The following ST3GAL3 variants were observed in gnomAD, a reference collection of about 807,000 sequenced individuals.
The protein encoded by ST3GAL3 is CMP-N-acetylneuraminate-beta-1,4-galactoside alpha-2,3-sialyltransferase.
A neutral mutation model predicts 50.1 loss-of-function variants in ST3GAL3; 21 were observed. That is an observed-to-expected ratio of 0.42 (90% CI 0.30 to 0.60). The LOEUF is 0.60. Among genes scored for constraint, ST3GAL3 ranks in the 20% least tolerant of loss-of-function variants. The pLI, the probability that ST3GAL3 is intolerant of heterozygous loss-of-function variation, is 0.19. For synonymous variants in ST3GAL3, 183 were observed against 190.0 expected (o/e 0.96, Z 0.30); for missense variants, 353 against 489.4 (o/e 0.72, Z 2.63).
At chr1:43,813,648 T>G (rs1236320757) in intron 3 of ST3GAL3, among the ~76,000 whole-genome samples, 1 of 152,182 alleles carries the variant, frequency 6.6e-6, no homozygotes, top group South Asian at 2.1e-4. Flanking sequence ...CTGGCCTTAA[T>G]TGGCCTTGCA....
At chr1:43,834,566 C>T (rs2064006458) in intron 4 of ST3GAL3, among the ~76,000 whole-genome samples, 1 of 152,186 alleles carries the variant, frequency 6.6e-6, no homozygotes, top group Non-Finnish European at 1.5e-5. Flanking sequence ...TCCTAAGACA[C>T]TTCGTTGACC....
Position 43,838,204 on chromosome 1 carries a change from C to T in ST3GAL3, c.210-15C>T. 1 of 1,602,358 alleles carries T rather than the reference C, an allele frequency of 6.2e-7. No homozygotes were observed. The highest frequency in any genetic ancestry group is 8.5e-7 in the Non-Finnish European group (1 of 1,172,626). On this transcript the variant is annotated splice_polypyrimidine_tract_variant and intron_variant, in intron 4 of 11. Coordinates refer to ENST00000347631, the MANE Select transcript of ST3GAL3 (RefSeq NM_006279.5). ...CAGTGCCTGGCAAGCTGTAACTTTC[C>T]TTCTCTTCCCATAGGCCTGCTGAAT...
At chr1:43,917,457 AAT>A (rs1285649776) in intron 9 of ST3GAL3, among the ~76,000 whole-genome samples, 10 of 23,474 alleles carry the variant, frequency 4.3e-4, no homozygotes, top group East Asian at 1.3e-3. Context: ...TATAATATAT[AAT>A]ATATATAATA....
At chr1:43,795,447 C>G (rs1037424033) in intron 3 of ST3GAL3, among the ~76,000 whole-genome samples, 2 of 152,206 alleles carry the variant, frequency 1.3e-5, no homozygotes, top group Non-Finnish European at 2.9e-5. Flanking sequence ...TATTCATGCT[C>G]TCATGGAATA....
chr1:43,833,366 A>G (rs974371816), intron 4 of ST3GAL3, among the ~76,000 whole-genome samples: 1 of 152,192 alleles, frequency 6.6e-6, no homozygotes, highest in Non-Finnish European at 1.5e-5. Context: ...TAAATGGACA[A>G]TTACTCTTCA....
In ST3GAL3 at chr1:43,930,244, G is replaced by GA. The variant is rs1377239865; in HGVS notation, c.*24dup. The GA allele has an allele frequency of 6.8e-6, 11 of 1,608,614 alleles. No homozygotes were observed. In the African/African-American group the frequency reaches 1.5e-4, roughly 21 times the overall value. On this transcript the variant is annotated 3_prime_UTR_variant, in exon 12 of 12. Transcript: ENST00000347631. The stretch of plus-strand genomic sequence containing the variant: ...TGAGTGGGCCCAGCACATGGCCATA[G>GA]AGGCCCAGGCACCACCAGGAGCAGC...
At chr1:43,766,645 C>T (rs1302040598) in intron 2 of ST3GAL3, among the ~76,000 whole-genome samples, 1 of 151,962 alleles carries the variant, frequency 6.6e-6, no homozygotes, top group African/African-American at 2.4e-5. Context: ...AGGGCAGAGT[C>T]GATGACAGAA....
chr1:43,792,261 T>A, intron 3 of ST3GAL3, 112 bp downstream of exon 3: 1 of 1,371,600 alleles, frequency 7.3e-7, no homozygotes, highest in Non-Finnish European at 1.0e-6. Flanking sequence ...TATCCCAGAA[T>A]TGGGGGAAGT....
intron 1 of ST3GAL3, among the ~76,000 whole-genome samples, chr1:43,712,235 C>A (rs72884946): frequency 0.043 from 6,577 of 152,278 alleles, 455 homozygotes; most frequent in African/African-American, 0.15. Context: ...TTCTAACCAG[C>A]TGCAGCAAGG....
intron 2 of ST3GAL3, among the ~76,000 whole-genome samples, chr1:43,766,479 C>T (rs1693022834): frequency 6.6e-6 from 1 of 152,152 alleles, no homozygotes. Context: ...GGCACTGAAG[C>T]AGGGACCTGG....
At chr1:43,789,573 A>G (rs557083267) in intron 2 of ST3GAL3, among the ~76,000 whole-genome samples, 2 of 152,308 alleles carry the variant, frequency 1.3e-5, no homozygotes, top group South Asian at 2.1e-4. Context: ...AGAAATGCTG[A>G]TAAAGAAGTA....
At chr1:43,886,838 T>C in intron 5 of ST3GAL3, among the ~76,000 whole-genome samples, 1 of 152,130 alleles carries the variant, frequency 6.6e-6, no homozygotes, top group East Asian at 1.9e-4. Context: ...GGACGCTTTG[T>C]CGAATTTGTT....
intron 2 of ST3GAL3, among the ~76,000 whole-genome samples, chr1:43,779,188 C>T (rs915146439): frequency 2.6e-5 from 4 of 151,892 alleles, no homozygotes; most frequent in Non-Finnish European, 5.9e-5. Context: ...GTGATCCACC[C>T]GCCTCAGCCT....
At chr1:43,849,562 C>T (rs2066900057) in intron 5 of ST3GAL3, among the ~76,000 whole-genome samples, 1 of 152,102 alleles carries the variant, frequency 6.6e-6, no homozygotes, top group Non-Finnish European at 1.5e-5. Flanking sequence ...TGCACTTCAG[C>T]TATGTGAAAA....
intron 4 of ST3GAL3, among the ~76,000 whole-genome samples, chr1:43,828,611 A>G (rs1028882436): frequency 2.0e-5 from 3 of 152,334 alleles, no homozygotes; most frequent in Middle Eastern, 6.8e-3. Context: ...CCCTTTCCAG[A>G]TGGTCAAAAA....
At chr1:43,718,405 G>A (rs750830305) in intron 1 of ST3GAL3, among the ~76,000 whole-genome samples, 1 of 150,832 alleles carries the variant, frequency 6.6e-6, no homozygotes, top group Non-Finnish European at 1.5e-5. Context: ...TAGCCAGGAT[G>A]GTCTCGATCT....
chr1:43,777,399 A>G (rs1697679247), intron 2 of ST3GAL3, among the ~76,000 whole-genome samples: 1 of 152,214 alleles, frequency 6.6e-6, no homozygotes, highest in African/African-American at 2.4e-5. Context: ...TACGGTAACC[A>G]AAACAGCTTG....
chr1:43,787,634 T>C (rs932804695), intron 2 of ST3GAL3, among the ~76,000 whole-genome samples: 7 of 152,238 alleles, frequency 4.6e-5, no homozygotes, highest in African/African-American at 1.7e-4. Flanking sequence ...TCCGCTACCA[T>C]TGGAAATAAT....
At chr1:43,787,350 G>A (rs2057472036) in intron 2 of ST3GAL3, among the ~76,000 whole-genome samples, 1 of 152,220 alleles carries the variant, frequency 6.6e-6, no homozygotes, top group Non-Finnish European at 1.5e-5. Flanking sequence ...TTCTCAATTT[G>A]TTGAATACTA....
Sources: allele counts gnomAD v4.1 joint callset (sites outside exome capture counted in the v4.1 genomes callset), GRCh38; gene constraint gnomAD v4.1.1; transcripts MANE v1.5; gene names NCBI Gene and HGNC (gene_info 2026-07-23, HGNC 2026-07-21).